SHISA9: variants seen among roughly 807,000 people sequenced by gnomAD.
The protein encoded by SHISA9 is shisa family member 9.
SHISA9 carries 13 observed loss-of-function variants against 38.0 expected under a neutral mutation model. The observed-to-expected ratio is 0.34, with a 90% CI of 0.22 to 0.54. The LOEUF is 0.54. SHISA9 is among the 20% of genes least tolerant of loss of function. The pLI, the probability that SHISA9 is intolerant of heterozygous loss-of-function variation, is 0.91. For synonymous variants in SHISA9, 275 were observed against 242.0 expected (o/e 1.14, Z -1.27); for missense variants, 538 against 575.8 (o/e 0.93, Z 0.67).
At chr16:12,961,633 A>C (rs563481477) in intron 2 of SHISA9, among the ~76,000 whole-genome samples, 182 of 152,274 alleles carry the variant, frequency 1.2e-3, no homozygotes, top group African/African-American at 4.1e-3. Flanking sequence ...AAGGGGGAAG[A>C]AGGAGAAAGA....
chr16:12,902,243 C>T lies in SHISA9; in HGVS notation c.179C>T (p.Ala60Val). 6.5e-7 allele frequency: 1 copy of T among 1,543,692 alleles called. No homozygotes were observed. The highest frequency in any genetic ancestry group is 8.7e-7 in the Non-Finnish European group (1 of 1,146,460). The stretch of plus-strand genomic sequence containing the variant: ...GGAGAGGCCAGCGAGGGCGCTGAGG[C>T]ATCGGACGCGCCCCCGACCCGGGCG... ...ASGEASEGAEASDAPPTRAPT... is the reference protein window; with the variant it reads ...ASGEASEGAEVSDAPPTRAPT... Residue 60 changes from alanine to valine, a missense_variant, in exon 1 of 5, where the codon GCA becomes GTA. Coordinates refer to ENST00000558583, the MANE Select transcript of SHISA9 (RefSeq NM_001145204.3).
At chr16:12,947,332 A>T (rs2071701600) in intron 2 of SHISA9, among the ~76,000 whole-genome samples, 1 of 152,212 alleles carries the variant, frequency 6.6e-6, no homozygotes, top group African/African-American at 2.4e-5. Context: ...AAGTGAAGAA[A>T]TCCACTTAAG....
intron 2 of SHISA9, among the ~76,000 whole-genome samples, chr16:13,180,373 C>T (rs941975706): frequency 1.3e-5 from 2 of 152,176 alleles, no homozygotes; most frequent in African/African-American, 4.8e-5. Context: ...GGGAGCCTGT[C>T]CATGGCTGAC....
intron 2 of SHISA9, among the ~76,000 whole-genome samples, chr16:13,037,099 C>CACAG (rs1567190790): frequency 6.3e-4 from 45 of 71,802 alleles, no homozygotes; most frequent in African/African-American, 1.5e-3. Flanking sequence ...CACACACACA[C>CACAG]ACACACACAG....
intron 2 of SHISA9, among the ~76,000 whole-genome samples, chr16:13,149,868 T>G (rs2050481618): frequency 6.8e-6 from 1 of 146,874 alleles, no homozygotes; most frequent in South Asian, 2.2e-4. Context: ...GAGGTTGCAG[T>G]GAGCAGCGAT....
chr16:13,177,538 A>AT lies in SHISA9; in HGVS notation c.692-25848dup, dbSNP rs111941664. ...TGCTCAATACTTCTACTTTTATTTT[A>AT]TTTTTTTTAAAAAGCGCAATTGAAA... On this transcript the variant is annotated intron_variant, in intron 2 of 4. Transcript: ENST00000558583. Among the ~76,000 whole-genome samples the AT allele has an allele frequency of 6.6e-5, 10 of 151,678 alleles. No homozygotes were observed. The East Asian group carries it at 1.7e-3, about 26-fold the overall frequency.
chr16:13,439,683 C>T, the SHISA9 span, among the ~76,000 whole-genome samples: 10 of 152,294 alleles, frequency 6.6e-5, no homozygotes, highest in African/African-American at 2.2e-4. Context: ...GACATGGCTT[C>T]TGGTGACCCT....
the SHISA9 span, among the ~76,000 whole-genome samples, chr16:13,463,083 G>C: frequency 3.0e-3 from 454 of 152,312 alleles, 4 homozygotes; most frequent in African/African-American, 3.0e-3. Context: ...TTGAGCCTGG[G>C]GGGGGAAGGT....
chr16:13,299,296 C>A, the SHISA9 span, among the ~76,000 whole-genome samples: 1 of 152,198 alleles, frequency 6.6e-6, no homozygotes, highest in Non-Finnish European at 1.5e-5. Context: ...AGGAATTAGA[C>A]CCTCCTTCAC....
the SHISA9 span, among the ~76,000 whole-genome samples, chr16:13,545,532 CT>C: frequency 6.6e-6 from 1 of 152,192 alleles, no homozygotes; most frequent in African/African-American, 2.4e-5. Flanking sequence ...CCCTCCACCC[CT>C]GAGCATGGGA....
chr16:13,486,121 G>A, the SHISA9 span, among the ~76,000 whole-genome samples: 37 of 152,318 alleles, frequency 2.4e-4, no homozygotes, highest in East Asian at 6.9e-3. Flanking sequence ...GATTCCAGAT[G>A]GTTCATGGAT....
At chr16:13,253,075 G>A in the SHISA9 span, among the ~76,000 whole-genome samples, 3 of 151,912 alleles carry the variant, frequency 2.0e-5, no homozygotes, top group East Asian at 3.9e-4. Flanking sequence ...TCCCTTCCTC[G>A]TGATTTTCTT....
At chr16:13,499,126 A>G in the SHISA9 span, among the ~76,000 whole-genome samples, 2 of 152,324 alleles carry the variant, frequency 1.3e-5, no homozygotes, top group South Asian at 4.1e-4. Flanking sequence ...CCACCTATGC[A>G]GCATCCTCTA....
At chr16:13,515,875 T>G in the SHISA9 span, among the ~76,000 whole-genome samples, 1 of 152,180 alleles carries the variant, frequency 6.6e-6, no homozygotes, top group Admixed American at 6.5e-5. Flanking sequence ...TACTGAGAGA[T>G]TGTCAAATGT....
At chr16:13,227,989 A>T (rs1249145240) in intron 4 of SHISA9, among the ~76,000 whole-genome samples, 1 of 152,232 alleles carries the variant, frequency 6.6e-6, no homozygotes, top group African/African-American at 2.4e-5. Context: ...AATAGGTAAA[A>T]TATAGGTATT....
chr16:13,092,137 AAGAACAGCAAATATTGC>A lies in SHISA9; in HGVS notation c.692-111239_692-111223del, dbSNP rs1344067121. 4.6e-5 allele frequency among the ~76,000 whole-genome samples: 7 copies of A among 152,346 alleles called. No homozygotes were observed. In the South Asian group the frequency reaches 1.0e-3, roughly 23 times the overall value. On this transcript the variant is annotated intron_variant, in intron 2 of 4. Coordinates refer to ENST00000558583, the MANE Select transcript of SHISA9 (RefSeq NM_001145204.3). ...GCCTGGGTATCACCACCAGAGGCTG[AAGAACAGCAAATATTGC>A]AGAACAGCAAATATTGCTGCCTGAT...
the SHISA9 span, among the ~76,000 whole-genome samples, chr16:13,256,074 C>A: frequency 1.3e-5 from 2 of 152,078 alleles, no homozygotes; most frequent in Non-Finnish European, 2.9e-5. Flanking sequence ...ATTGGAAGTT[C>A]CCCCATACAT....
intron 2 of SHISA9, among the ~76,000 whole-genome samples, chr16:13,121,310 G>C (rs204041): frequency 0.46 from 69,647 of 151,986 alleles, 16,153 homozygotes; most frequent in Non-Finnish European, 0.49. Context: ...GTAACATAGT[G>C]ATCTCCCCTC....
chr16:13,149,381 C>T (rs981658923), intron 2 of SHISA9, among the ~76,000 whole-genome samples: 4 of 152,100 alleles, frequency 2.6e-5, no homozygotes, highest in African/African-American at 9.7e-5. Flanking sequence ...GGTTCATGCT[C>T]ACTGGGCACA....
Sources: gnomAD v4.1 joint callset for allele counts (sites outside exome capture counted in the v4.1 genomes callset) on GRCh38, gnomAD v4.1.1 for gene constraint, MANE v1.5 for transcripts, NCBI Gene and HGNC (gene_info 2026-07-23, HGNC 2026-07-21) for gene names.